Variants in VWF observed in about 807,000 individuals in gnomAD.
VWF encodes Factor VIII related antigen.
VWF carries 176 observed loss-of-function variants against 308.6 expected under a neutral mutation model. The ratio of observed to expected loss-of-function variants is 0.57; its 90% CI spans 0.50 to 0.65. The LOEUF (loss-of-function observed/expected upper bound fraction) is 0.65, where lower values mean the gene tolerates loss of function less well. VWF is among the 30% of genes least tolerant of loss of function. The pLI is 0.00. For missense variants in VWF, 3,146 were observed against 3,648.2 expected (o/e 0.86, Z 3.55); for synonymous variants, 1,385 against 1,443.4 (o/e 0.96, Z 0.92).
chr12:6,004,419 G>A (rs1185482410), intron 34 of VWF, among the ~76,000 whole-genome samples: 1 of 152,044 alleles, frequency 6.6e-6, no homozygotes, highest in African/African-American at 2.4e-5. Flanking sequence ...AGAATTGAGG[G>A]ATACTTTCAT....
chr12:6,007,039 T>G (rs1943936910), intron 34 of VWF, among the ~76,000 whole-genome samples: 1 of 152,184 alleles, frequency 6.6e-6, no homozygotes, highest in African/African-American at 2.4e-5. Context: ...ACCAGGAAGA[T>G]ATAAGTACAT....
intron 16 of VWF, among the ~76,000 whole-genome samples, chr12:6,047,343 C>A (rs1191635259): frequency 1.3e-5 from 2 of 152,210 alleles, no homozygotes; most frequent in Non-Finnish European, 2.9e-5. Flanking sequence ...TAGTGAGTCT[C>A]AAACACACCT....
Position 6,058,671 on chromosome 12 carries a change from G to A in VWF, c.1534-627C>T, listed in dbSNP as rs181102848. On this transcript the variant is annotated intron_variant, in intron 13 of 51. Transcript: ENST00000261405. The surrounding 1 kb of genome is among the most constrained non-coding windows in gnomAD (Gnocchi z 4.9). ...GCCACGAGCCACAGAAGACTCTGAG[G>A]GTGATGATGGATAGGAGTAGGAGTC... is the stretch of plus-strand genomic sequence containing the variant. Among the ~76,000 whole-genome samples, 18 of 152,298 alleles carry A rather than the reference G, an allele frequency of 1.2e-4. No homozygotes were observed. Among genetic ancestry groups the A allele is most frequent in the African/African-American group, 4.3e-4 (18 of 41,576 alleles).
In VWF at chr12:6,023,681, A is replaced by T. The variant is rs756064548; in HGVS notation, c.3329T>A (p.Val1110Glu). The T allele has an allele frequency of 1.2e-6, 2 of 1,613,934 alleles. No individual in the cohort carries two copies. Among genetic ancestry groups the T allele is most frequent in the Non-Finnish European group, 1.7e-6 (2 of 1,180,004 alleles). Residue 1110 changes from valine (V) to glutamate (E), a missense_variant, in exon 25 of 52, where the codon GTG (valine) becomes GAG (glutamate). By Grantham distance (121) the Val-to-Glu change is moderately radical (BLOSUM62 -2). This residue lies in a region of VWF where 853 missense variants were observed against 1,177.8 expected (regional missense o/e 0.72). Transcript: ENST00000261405. ...FCDTIAAYAH[V>E]CAQHGKVVTW... ...CACCACCTTGCCATGCTGGGCACAC[A>T]CGTGGGCATAGGCAGCAATGGTGTC...
chr12:6,058,172 A>C lies in VWF; in HGVS notation c.1534-128T>G. On this transcript the variant is annotated intron_variant, in intron 13 of 51. Transcript: ENST00000261405. The surrounding 1 kb of genome is among the most constrained non-coding windows in gnomAD (Gnocchi z 4.9). ...GTGAAACATAAATATGAATGTAATAAAAGGCAGCTAAGCCCTAGGCTGCAA... is the reference window on the plus strand; with the variant it reads ...GTGAAACATAAATATGAATGTAATACAAGGCAGCTAAGCCCTAGGCTGCAA... The C allele has an allele frequency of 9.2e-7, 1 of 1,082,372 alleles. No individual in the cohort carries two copies. The highest frequency in any genetic ancestry group is 1.3e-6 in the Non-Finnish European group (1 of 762,780). 67.0% of individuals were successfully genotyped at this position (1,082,372 alleles called of 1,614,324 possible).
intron 43 of VWF, among the ~76,000 whole-genome samples, chr12:5,972,494 G>C (rs1943487652): frequency 6.6e-6 from 1 of 152,200 alleles, no homozygotes; most frequent in African/African-American, 2.4e-5. Flanking sequence ...CCTTAAGAGA[G>C]AAAGAGTAAC....
intron 14 of VWF, 54 bp downstream of exon 14, chr12:6,057,795 T>A: frequency 1.3e-6 from 2 of 1,552,444 alleles, no homozygotes; most frequent in Non-Finnish European, 1.7e-6. Flanking sequence ...ACTGCACTAA[T>A]GTGGAGACCT....
At chr12:6,045,667 C>T (rs772942455) in intron 17 of VWF, among the ~76,000 whole-genome samples, 4 of 152,160 alleles carry the variant, frequency 2.6e-5, no homozygotes, top group Non-Finnish European at 4.4e-5. Flanking sequence ...AGACCTGTCA[C>T]GCAGGGCAAG....
chr12:6,121,487 C>G (rs1445977475), intron 2 of VWF, 149 bp from the exon 3 acceptor site: 6 of 974,988 alleles, frequency 6.2e-6, no homozygotes, highest in Middle Eastern at 3.0e-4. Context: ...GAGACTAAAG[C>G]TGTTGCTTTC....
chr12:5,961,589 C>CAAAAA (rs71445686), intron 47 of VWF, among the ~76,000 whole-genome samples: 2 of 124,858 alleles, frequency 1.6e-5, no homozygotes, highest in African/African-American at 2.9e-5. Context: ...TCTGCCCCCT[C>CAAAAA]AAAAAAAAAA....
chr12:6,123,369 C>G (rs771663348), intron 1 of VWF, among the ~76,000 whole-genome samples, 173 bp from the exon 2 acceptor site: 1 of 152,218 alleles, frequency 6.6e-6, no homozygotes, highest in African/African-American at 2.4e-5. Context: ...CCCGAAAAAA[C>G]CCCTGGCCAG....
chr12:6,008,913 C>T (rs1943961348), intron 34 of VWF, among the ~76,000 whole-genome samples: 1 of 152,084 alleles, frequency 6.6e-6, no homozygotes, highest in African/African-American at 2.4e-5. Flanking sequence ...TGGACCCTTA[C>T]CTTATATCAT....
chr12:5,987,482 C>T (rs1433284095), intron 38 of VWF, among the ~76,000 whole-genome samples: 2 of 152,222 alleles, frequency 1.3e-5, no homozygotes, highest in Non-Finnish European at 2.9e-5. Flanking sequence ...GGCCTAGCCT[C>T]TTGCAGCACA....
intron 18 of VWF, among the ~76,000 whole-genome samples, chr12:6,038,133 G>A (rs1260656310): frequency 6.6e-6 from 1 of 152,172 alleles, no homozygotes; most frequent in Non-Finnish European, 1.5e-5. Flanking sequence ...TGGCACCTTG[G>A]TAGGAGCTGG....
chr12:6,032,467 G>A (rs112693773), intron 20 of VWF, among the ~76,000 whole-genome samples: 1,875 of 142,774 alleles, frequency 0.013, 21 homozygotes, highest in Non-Finnish European at 0.018. Flanking sequence ...GTGAAACCCC[G>A]TCTCTACTAA....
intron 18 of VWF, among the ~76,000 whole-genome samples, chr12:6,040,850 G>A (rs560802709): frequency 9.8e-4 from 149 of 152,270 alleles, no homozygotes; most frequent in African/African-American, 3.4e-3. Context: ...AAAGAGAGGG[G>A]TTCTTTCTCT....
intron 45 of VWF, among the ~76,000 whole-genome samples, chr12:5,968,388 C>T (rs960746867): frequency 4.6e-5 from 7 of 152,148 alleles, no homozygotes; most frequent in African/African-American, 7.2e-5. Context: ...GAGCCCCGTA[C>T]GTTCTCCAAG....
intron 47 of VWF, among the ~76,000 whole-genome samples, chr12:5,964,024 G>GA (rs1943350329): frequency 6.6e-6 from 1 of 151,952 alleles, no homozygotes; most frequent in South Asian, 2.1e-4. Context: ...TGGTTAACAC[G>GA]GTGAAACCCC....
At position 5,994,469 on chromosome 12, in the gene VWF, A is replaced by T; in HGVS notation, c.6202T>A (p.Phe2068Ile). The T allele has an allele frequency of 6.2e-7, 1 of 1,614,122 alleles. No individual in the cohort carries two copies. Among genetic ancestry groups the T allele is most frequent in the Non-Finnish European group, 8.5e-7 (1 of 1,180,010 alleles). The change falls in exon 36 of 52, where the codon TTC becomes ATC. Residue 2068 changes from phenylalanine to isoleucine, a missense_variant. Phe to Ile is a conservative substitution (Grantham distance 21). Transcript: ENST00000261405. The part of the protein sequence containing the change: ...IFTFTPQNNE[F>I]QLQLSPKTFA... ...GTCTTGGGGCTGAGCTGCAGTTGGAACTCATTGTTTTGTGGAGTGAATGTG... is the reference window on the plus strand; with the variant it reads ...GTCTTGGGGCTGAGCTGCAGTTGGATCTCATTGTTTTGTGGAGTGAATGTG...
Sources: gnomAD v4.1 joint callset for allele counts (sites outside exome capture counted in the v4.1 genomes callset) on GRCh38, gnomAD v4.1.1 for gene constraint, gnomAD v4.1.1 regional missense constraint, Gnocchi (gnomAD v3.1) non-coding constraint, MANE v1.5 for transcripts, NCBI Gene and HGNC (gene_info 2026-07-23, HGNC 2026-07-21) for gene names.